The following CACNA1C variants were observed in gnomAD, a reference collection of about 807,000 sequenced individuals.
CACNA1C encodes calcium voltage-gated channel subunit alpha1 C.
In CACNA1C, 30 loss-of-function variants were observed where a neutral mutation model predicts 229.0. The ratio of observed to expected loss-of-function variants is 0.13; its 90% CI spans 0.10 to 0.18. The LOEUF (loss-of-function observed/expected upper bound fraction) is 0.18, where lower values mean the gene tolerates loss of function less well. Among genes scored for constraint, CACNA1C ranks in the 10% least tolerant of loss-of-function variants. The pLI, the probability that CACNA1C is intolerant of heterozygous loss-of-function variation, is 1.00. For missense variants in CACNA1C, 1,658 were observed against 2,845.0 expected (o/e 0.58, Z 9.49); for synonymous variants, 1,114 against 1,132.5 (o/e 0.98, Z 0.33).
intron 3 of CACNA1C, among the ~76,000 whole-genome samples, chr12:2,443,814 C>T (rs11062231): frequency 0.014 from 2,121 of 152,304 alleles, 61 homozygotes; most frequent in African/African-American, 0.048. Context: ...GTTTCTATGA[C>T]AGCACAACGT....
In CACNA1C at chr12:2,650,259, C is replaced by A. The variant is rs368142808; in HGVS notation, c.3946-1381C>A. Among the ~76,000 whole-genome samples the A allele has an allele frequency of 3.9e-5, 6 of 152,186 alleles. No individual in the cohort carries two copies. The East Asian group carries it at 9.6e-4, about 24-fold the overall frequency. The stretch of plus-strand genomic sequence containing the variant: ...CCCTGCTTCCCTCATAATCTCCTGT[C>A]CTGCATAGTGAGGGGAGCGGCCTCT... On this transcript the variant is annotated intron_variant, in intron 31 of 46. Coordinates refer to ENST00000399655, the MANE Select transcript of CACNA1C (RefSeq NM_000719.7).
chr12:2,170,826 C>T (rs1402826917), intron 3 of CACNA1C, among the ~76,000 whole-genome samples: 1 of 152,236 alleles, frequency 6.6e-6, no homozygotes. Flanking sequence ...GCTTCCTAGG[C>T]CCGTAGATTC....
rs757236915 is a variant in CACNA1C at position 2,688,593 on chromosome 12, C to T, written c.5931C>T (p.Val1977=). Residue 1977 remains valine, a synonymous_variant, in exon 46 of 47, where the codon GTC becomes GTT. Coordinates refer to ENST00000399655, the MANE Select transcript of CACNA1C (RefSeq NM_000719.7). ...QPVPTLRLEG[V]ESSEKLNSSF... ...TCCCCACCCTGCGGCTTGAGGGGGTCGAGTCCAGTGAGAAACTCAACAGCA... is the reference window on the plus strand; with the variant it reads ...TCCCCACCCTGCGGCTTGAGGGGGTTGAGTCCAGTGAGAAACTCAACAGCA... The T allele has an allele frequency of 6.4e-5, 103 of 1,613,842 alleles. No individual in the cohort carries two copies. Among genetic ancestry groups the T allele is most frequent in the Non-Finnish European group, 8.1e-5 (96 of 1,179,892 alleles).
At chr12:2,300,464 T>TA (rs1241518415) in intron 3 of CACNA1C, among the ~76,000 whole-genome samples, 193 of 144,894 alleles carry the variant, frequency 1.3e-3, no homozygotes, top group African/African-American at 3.2e-3. Context: ...CTACTAAAAA[T>TA]AAAAAAAAAA....
At chr12:2,512,000 C>A (rs903274026) in intron 8 of CACNA1C, among the ~76,000 whole-genome samples, 5 of 152,144 alleles carry the variant, frequency 3.3e-5, no homozygotes, top group African/African-American at 1.2e-4. Flanking sequence ...AGGACATTTT[C>A]TTGTGTTTGG....
intron 38 of CACNA1C, among the ~76,000 whole-genome samples, chr12:2,672,694 C>T (rs2096618593): frequency 6.6e-6 from 1 of 152,200 alleles, no homozygotes; most frequent in Non-Finnish European, 1.5e-5. Context: ...TAGGGCCCAC[C>T]CTCATCCAGG....
intron 3 of CACNA1C, among the ~76,000 whole-genome samples, chr12:2,214,749 C>A (rs2059553786): frequency 2.0e-5 from 1 of 51,124 alleles, no homozygotes; most frequent in Non-Finnish European, 3.7e-5. Flanking sequence ...CCGCCAGCCC[C>A]CTTCCTGTCT....
intron 3 of CACNA1C, among the ~76,000 whole-genome samples, chr12:2,271,956 C>A (rs1033655172): frequency 3.3e-5 from 5 of 152,176 alleles, no homozygotes; most frequent in Admixed American, 6.5e-5. Flanking sequence ...ATGTGCCATG[C>A]AAATGTTTGC....
At chr12:2,359,538 AT>A (rs200608699) in intron 3 of CACNA1C, among the ~76,000 whole-genome samples, 13,026 of 143,146 alleles carry the variant, frequency 0.091, 1,020 homozygotes, top group African/African-American at 0.23. Context: ...TTGGAGCAGG[AT>A]TTTTTTTTTT....
intron 3 of CACNA1C, among the ~76,000 whole-genome samples, chr12:2,360,156 ACC>A (rs796441635): frequency 3.5e-5 from 2 of 57,020 alleles, no homozygotes; most frequent in East Asian, 7.0e-4. Flanking sequence ...AACACACCCC[ACC>A]CCCCCCCACC....
intron 1 of CACNA1C, among the ~76,000 whole-genome samples, chr12:2,087,242 A>G (rs1324308943): frequency 6.6e-6 from 1 of 152,056 alleles, no homozygotes; most frequent in Non-Finnish European, 1.5e-5. Context: ...GATTCTTGGT[A>G]CCTGCTTGCC....
At chr12:2,441,355 C>T (rs1465738964) in intron 3 of CACNA1C, among the ~76,000 whole-genome samples, 1 of 151,972 alleles carries the variant, frequency 6.6e-6, no homozygotes, top group Non-Finnish European at 1.5e-5. Flanking sequence ...TCCAGACTGT[C>T]CTGGTCCCAA....
intron 29 of CACNA1C, among the ~76,000 whole-genome samples, chr12:2,625,394 G>T (rs2085802702): frequency 6.6e-6 from 1 of 152,196 alleles, no homozygotes; most frequent in Non-Finnish European, 1.5e-5. Context: ...GTAGGAAGAA[G>T]AGGGATTCCC....
intron 1 of CACNA1C, chr12:1,991,157 C>T (rs1029532091): frequency 1.8e-5 from 8 of 456,178 alleles, no homozygotes; most frequent in Admixed American, 4.7e-5. Context: ...TAGAGCAGTA[C>T]AGGTGGTGTG....
At chr12:2,389,924 A>G (rs780485813) in intron 3 of CACNA1C, among the ~76,000 whole-genome samples, 6 of 152,150 alleles carry the variant, frequency 3.9e-5, no homozygotes, top group Non-Finnish European at 8.8e-5. Flanking sequence ...CTCATTTGTC[A>G]GAGTGCACAG....
intron 3 of CACNA1C, among the ~76,000 whole-genome samples, chr12:2,182,410 G>GT (rs1044988385): frequency 1.3e-5 from 2 of 151,706 alleles, no homozygotes; most frequent in Non-Finnish European, 2.9e-5. Context: ...TCCTTATGGG[G>GT]TTTTTTTCCC....
At chr12:2,327,750 G>A (rs1368947326) in intron 3 of CACNA1C, among the ~76,000 whole-genome samples, 3 of 152,224 alleles carry the variant, frequency 2.0e-5, no homozygotes, top group Non-Finnish European at 4.4e-5. Flanking sequence ...AACTTGGAAG[G>A]TTGCCTTGCC....
intron 3 of CACNA1C, among the ~76,000 whole-genome samples, chr12:2,421,965 C>T (rs2098983783): frequency 6.6e-6 from 1 of 151,780 alleles, no homozygotes; most frequent in Non-Finnish European, 1.5e-5. Flanking sequence ...CATGCTAGGA[C>T]ATGGGCAACC....
At chr12:2,316,017 T>C (rs534114532) in intron 3 of CACNA1C, among the ~76,000 whole-genome samples, 15 of 152,292 alleles carry the variant, frequency 9.8e-5, no homozygotes, top group African/African-American at 3.6e-4. Context: ...GCCCCAACTC[T>C]AAGGGTAAGA....
Sources: gnomAD v4.1 joint callset for allele counts (sites outside exome capture counted in the v4.1 genomes callset) on GRCh38, gnomAD v4.1.1 for gene constraint, MANE v1.5 for transcripts, NCBI Gene and HGNC (gene_info 2026-07-23, HGNC 2026-07-21) for gene names.